EXOC6B: variants seen among roughly 807,000 people sequenced by gnomAD.
The protein encoded by EXOC6B is exocyst complex component 6B.
A neutral mutation model predicts 113.5 loss-of-function variants in EXOC6B; 54 were observed. The observed-to-expected ratio is 0.48, with a 90% CI of 0.38 to 0.60. The LOEUF (loss-of-function observed/expected upper bound fraction) is 0.60, where lower values mean the gene tolerates loss of function less well. Among genes scored for constraint, EXOC6B ranks in the 20% least tolerant of loss-of-function variants. EXOC6B has a pLI of 0.00. For synonymous variants in EXOC6B, 357 were observed against 339.0 expected, an observed-to-expected ratio of 1.05 and a Z score of -0.58; for missense variants, 797 against 977.5, an observed-to-expected ratio of 0.82 and a Z score of 2.46.
At chr2:72,239,264 C>A (rs372343122) in intron 20 of EXOC6B, among the ~76,000 whole-genome samples, 16 of 152,296 alleles carry the variant, frequency 1.1e-4, no homozygotes, top group African/African-American at 3.4e-4. Flanking sequence ...TTGCCTAACT[C>A]AAGGTCAGAA....
intron 20 of EXOC6B, among the ~76,000 whole-genome samples, chr2:72,219,176 G>A (rs528323573): frequency 2.6e-5 from 4 of 152,132 alleles, no homozygotes; most frequent in East Asian, 3.9e-4. Context: ...AGGGAACATC[G>A]ATTGCAATCA....
intron 20 of EXOC6B, among the ~76,000 whole-genome samples, chr2:72,222,535 T>A (rs1680941361): frequency 6.6e-6 from 1 of 152,152 alleles, no homozygotes; most frequent in Non-Finnish European, 1.5e-5. Context: ...ACAAATAAAA[T>A]GCCCTGGACT....
intron 18 of EXOC6B, among the ~76,000 whole-genome samples, chr2:72,404,251 C>A (rs1239758712): frequency 1.3e-5 from 2 of 152,204 alleles, no homozygotes; most frequent in African/African-American, 2.4e-5. Context: ...CTCAAGGAGG[C>A]CTGCCTGCCT....
chr2:72,741,213 T>A (rs1573721766), intron 2 of EXOC6B, 91 bp downstream of exon 2: 2 of 1,228,270 alleles, frequency 1.6e-6, no homozygotes, highest in Non-Finnish European at 2.2e-6. Context: ...TCACTACAAA[T>A]ATGTGTTCTA....
chr2:72,376,744 T>C (rs981297635), intron 19 of EXOC6B, among the ~76,000 whole-genome samples: 7 of 152,182 alleles, frequency 4.6e-5, no homozygotes, highest in African/African-American at 1.7e-4. Context: ...ATTTCTATTG[T>C]CTATCTTTTC....
chr2:72,349,129 C>G (rs925000374), intron 19 of EXOC6B, among the ~76,000 whole-genome samples: 1 of 152,090 alleles, frequency 6.6e-6, no homozygotes, highest in Non-Finnish European at 1.5e-5. Flanking sequence ...TTCTCAGTGC[C>G]AGATGTCTCA....
At chr2:72,238,463 T>A (rs1682096388) in intron 20 of EXOC6B, among the ~76,000 whole-genome samples, 1 of 152,224 alleles carries the variant, frequency 6.6e-6, no homozygotes, top group Non-Finnish European at 1.5e-5. Flanking sequence ...CTGTTTAACT[T>A]TTTGAGGAAC....
rs990748858 is a variant in EXOC6B at position 72,177,604 on chromosome 2, A to G, written c.*1731T>C. 6.6e-6 allele frequency: 1 copy of G among 152,160 alleles called. No individual in the cohort carries two copies. The highest frequency in any genetic ancestry group is 1.5e-5 in the Non-Finnish European group (1 of 68,062). 9.4% of individuals were successfully genotyped at this position (152,160 alleles called of 1,614,324 possible). A position where few individuals can be genotyped will look rare whatever the true frequency, so the allele number is the denominator to read the frequency against. On this transcript the variant is annotated 3_prime_UTR_variant, in exon 22 of 22. Transcript: ENST00000272427. The stretch of plus-strand genomic sequence containing the variant: ...AGGATGAGCCTCAGCAGCATCTATG[A>G]GCTCACATGTAGCCTGGTCTCTCCA...
intron 1 of EXOC6B, among the ~76,000 whole-genome samples, chr2:72,774,308 G>C (rs12616775): frequency 6.6e-6 from 1 of 152,044 alleles, no homozygotes; most frequent in African/African-American, 2.4e-5. Context: ...TGATTCTGTA[G>C]AACACAATAA....
At chr2:72,197,906 T>C (rs1379171193) in intron 20 of EXOC6B, among the ~76,000 whole-genome samples, 1 of 152,156 alleles carries the variant, frequency 6.6e-6, no homozygotes, top group Admixed American at 6.5e-5. Flanking sequence ...TTTAAAAACA[T>C]TATGCCAATC....
chr2:72,607,273 G>C (rs1005049835), intron 6 of EXOC6B, among the ~76,000 whole-genome samples: 2 of 151,974 alleles, frequency 1.3e-5, no homozygotes, highest in Admixed American at 6.6e-5. Flanking sequence ...TGACATAAAG[G>C]ATTAGCTCAG....
chr2:72,376,888 T>C (rs1180492592), intron 19 of EXOC6B, among the ~76,000 whole-genome samples: 1 of 150,464 alleles, frequency 6.6e-6, no homozygotes, highest in African/African-American at 2.5e-5. Context: ...CTATTGAGTT[T>C]TGTTAGAAGG....
chr2:72,275,240 C>T (rs964458073), intron 20 of EXOC6B, among the ~76,000 whole-genome samples: 1 of 152,114 alleles, frequency 6.6e-6, no homozygotes, highest in Non-Finnish European at 1.5e-5. Flanking sequence ...TAAATGACTT[C>T]ACCACCCCTC....
At chr2:72,528,283 G>C (rs1039019426) in intron 8 of EXOC6B, among the ~76,000 whole-genome samples, 1 of 151,826 alleles carries the variant, frequency 6.6e-6, no homozygotes, top group Admixed American at 6.6e-5. Context: ...GCTCATTCTC[G>C]CTCTCTCTTT....
At chr2:72,782,684 AC>A (rs1158659719) in intron 1 of EXOC6B, among the ~76,000 whole-genome samples, 1 of 151,866 alleles carries the variant, frequency 6.6e-6, no homozygotes, top group Non-Finnish European at 1.5e-5. Flanking sequence ...CCTCCCACAC[AC>A]CCACCCTCCC....
chr2:72,479,439 G>T (rs948910148), intron 17 of EXOC6B, among the ~76,000 whole-genome samples: 2 of 151,980 alleles, frequency 1.3e-5, no homozygotes, highest in Non-Finnish European at 2.9e-5. Flanking sequence ...AGAGAAAGAG[G>T]TTAAGATGAT....
intron 3 of EXOC6B, among the ~76,000 whole-genome samples, chr2:72,732,112 AT>A (rs1680676095): frequency 6.6e-6 from 1 of 152,192 alleles, no homozygotes; most frequent in South Asian, 2.1e-4. Flanking sequence ...GATGGTTTAA[AT>A]GGTAAATATG....
At chr2:72,194,907 A>G (rs1339771669) in intron 20 of EXOC6B, among the ~76,000 whole-genome samples, 1 of 151,876 alleles carries the variant, frequency 6.6e-6, no homozygotes, top group Non-Finnish European at 1.5e-5. Flanking sequence ...TCTTTTCCCT[A>G]GTTGAGTGAA....
chr2:72,194,794 A>G (rs1014352825), intron 20 of EXOC6B, among the ~76,000 whole-genome samples: 1 of 151,948 alleles, frequency 6.6e-6, no homozygotes. Context: ...AGAGGTTCCA[A>G]ATTTTTCTGA....
Sources: gnomAD v4.1 joint callset for allele counts (sites outside exome capture counted in the v4.1 genomes callset) on GRCh38, gnomAD v4.1.1 for gene constraint, MANE v1.5 for transcripts, NCBI Gene and HGNC (gene_info 2026-07-23, HGNC 2026-07-21) for gene names.